Variants in PWWP3B observed in about 807,000 individuals in gnomAD.
PWWP3B encodes PWWP domain-containing DNA repair factor 3B.
In PWWP3B, 5 loss-of-function variants were observed where a neutral mutation model predicts 15.7. That is an observed-to-expected ratio of 0.32 (90% CI 0.17 to 0.67). The LOEUF is 0.67. PWWP3B is among the 30% of genes least tolerant of loss of function. PWWP3B has a pLI of 0.74. For synonymous variants in PWWP3B, 203 were observed against 179.8 expected, an observed-to-expected ratio of 1.13 and a Z score of -1.03; for missense variants, 519 against 493.1, an observed-to-expected ratio of 1.05 and a Z score of -0.50.
At chrX:106,186,647 G>A (rs1335839800) in intron 2 of PWWP3B, among the ~76,000 whole-genome samples, 1 of 110,827 alleles carries the variant, frequency 9.0e-6, no homozygotes, top group Non-Finnish European at 1.9e-5. Flanking sequence ...CATGGTGAGT[G>A]TTACAGCTCT....
At chrX:106,182,447 G>A (rs1470493166) in intron 2 of PWWP3B, among the ~76,000 whole-genome samples, 1 of 111,313 alleles carries the variant, frequency 9.0e-6, no homozygotes, top group Non-Finnish European at 1.9e-5. Context: ...TTAGTGGGGA[G>A]GCAGATATAG....
At chrX:106,190,370 C>T (rs149261562) in intron 2 of PWWP3B, among the ~76,000 whole-genome samples, 4,602 of 111,621 alleles carry the variant, frequency 0.041, 223 homozygotes, top group African/African-American at 0.14. Context: ...TCATATCATT[C>T]GCCGACTTTT....
chrX:106,201,379 G>A (rs1923698668), intron 2 of PWWP3B, among the ~76,000 whole-genome samples: 1 of 112,380 alleles, frequency 8.9e-6, no homozygotes, highest in African/African-American at 3.2e-5. Context: ...GACCAGCTGG[G>A]TTTAAAATTC....
chrX:106,179,695 G>A (rs995561428), intron 2 of PWWP3B, among the ~76,000 whole-genome samples: 6 of 111,725 alleles, frequency 5.4e-5, no homozygotes, highest in African/African-American at 1.6e-4. Context: ...GGATCTTAGC[G>A]CCAGACCCAC....
At chrX:106,177,930 T>C (rs967544118) in intron 2 of PWWP3B, among the ~76,000 whole-genome samples, 1 of 112,379 alleles carries the variant, frequency 8.9e-6, no homozygotes, top group Non-Finnish European at 1.9e-5. Context: ...TTAAAATCTA[T>C]TTTTCACTAC....
intron 2 of PWWP3B, among the ~76,000 whole-genome samples, chrX:106,174,513 A>G (rs1207946639): frequency 8.9e-6 from 1 of 111,948 alleles, no homozygotes; most frequent in Non-Finnish European, 1.9e-5. Flanking sequence ...TAAAAATGCA[A>G]CTTTCCCATA....
intron 2 of PWWP3B, among the ~76,000 whole-genome samples, chrX:106,189,211 A>G (rs897550921): frequency 1.2e-4 from 13 of 111,718 alleles, no homozygotes; most frequent in African/African-American, 4.2e-4. Flanking sequence ...TCCTTTTTTT[A>G]ACTTTGAACC....
At chrX:106,180,092 T>G (rs1272499012) in intron 2 of PWWP3B, among the ~76,000 whole-genome samples, 1 of 111,494 alleles carries the variant, frequency 9.0e-6, no homozygotes, top group African/African-American at 3.3e-5. Flanking sequence ...AGACCCCCAG[T>G]ATCTGTGTCT....
Position 106,208,075 on chromosome X carries a change from T to C in PWWP3B, c.*552T>C, listed in dbSNP as rs756826532. 1.0e-3 allele frequency: 128 copies of C among 124,167 alleles called. No homozygotes were observed. The highest frequency in any genetic ancestry group is 1.9e-3 in the Non-Finnish European group (104 of 53,505). The allele number at this position is 124,167 out of a possible 1,213,427, so 10.2% of individuals were successfully genotyped here. On this transcript the variant is annotated 3_prime_UTR_variant, in exon 4 of 4. Transcript: ENST00000357175. ...CCAAAGATAGATTCGCTTTGCTATA[T>C]ATTATAACTATACTTGCTTTTGCAA... is the stretch of plus-strand genomic sequence containing the variant.
intron 2 of PWWP3B, among the ~76,000 whole-genome samples, chrX:106,202,468 A>T (rs1475784613): frequency 4.5e-5 from 5 of 112,016 alleles, no homozygotes; most frequent in Non-Finnish European, 9.4e-5. Flanking sequence ...ACACATAGAC[A>T]CACAAAGACA....
chrX:106,181,274 G>A (rs754547850), intron 2 of PWWP3B, among the ~76,000 whole-genome samples: 47 of 111,642 alleles, frequency 4.2e-4, no homozygotes, highest in East Asian at 2.0e-3. Flanking sequence ...AAGGGGACCC[G>A]AGTGGGTTGC....
Position 106,206,984 on chromosome X carries a change from C to A in PWWP3B, c.1552C>A (p.His518Asn), listed in dbSNP as rs778976455. The change falls in exon 4 of 4, where the codon CAT becomes AAT. Residue 518 changes from histidine (H) to asparagine (N), a missense_variant. By Grantham distance (68) the His-to-Asn change is moderately conservative. Transcript: ENST00000357175. ...DTFRNKFPKL[H>N]NEDAREPMAV... ...TTTCAGGAACAAATTTCCAAAGCTG[C>A]ATAATGAAGATGCCAGGGAACCGAT... The A allele has an allele frequency of 8.3e-7, 1 of 1,210,820 alleles. No homozygotes were observed. Among genetic ancestry groups the A allele is most frequent in the Non-Finnish European group, 1.1e-6 (1 of 895,029 alleles).
chrX:106,193,079 T>C (rs1218016418), intron 2 of PWWP3B, among the ~76,000 whole-genome samples: 1 of 111,506 alleles, frequency 9.0e-6, no homozygotes, highest in Non-Finnish European at 1.9e-5. Context: ...AGAGCTGAGT[T>C]CAATTCCTGG....
rs371323789 is a variant in PWWP3B at position 106,207,692 on chromosome X, C to G, written c.*169C>G. The G allele has an allele frequency of 4.7e-6, 2 of 427,199 alleles. No homozygotes were observed. The highest frequency in any genetic ancestry group is 5.0e-5 in the African/African-American group (2 of 39,822). 35.2% of individuals were successfully genotyped at this position (427,199 alleles called of 1,213,427 possible). On this transcript the variant is annotated 3_prime_UTR_variant, in exon 4 of 4. Transcript: ENST00000357175. ...GTGGTTATAATTACATCTTTATTTCCTTTTCTTGCGCTTCTTCAAAGTTAA... is the reference window on the plus strand; with the variant it reads ...GTGGTTATAATTACATCTTTATTTCGTTTTCTTGCGCTTCTTCAAAGTTAA...
intron 2 of PWWP3B, among the ~76,000 whole-genome samples, chrX:106,192,165 A>G (rs1923022461): frequency 9.0e-6 from 1 of 111,440 alleles, no homozygotes; most frequent in South Asian, 3.8e-4. Flanking sequence ...TGAATCCATC[A>G]GGTCCTGGAC....
At chrX:106,193,443 G>A in intron 2 of PWWP3B, among the ~76,000 whole-genome samples, 1 of 111,716 alleles carries the variant, frequency 9.0e-6, no homozygotes. Context: ...CTCTGCACGT[G>A]AGATGGGCTT....
intron 2 of PWWP3B, among the ~76,000 whole-genome samples, chrX:106,178,570 A>C (rs1922019129): frequency 8.9e-6 from 1 of 112,249 alleles, no homozygotes; most frequent in Non-Finnish European, 1.9e-5. Flanking sequence ...CTTAATACAT[A>C]TTTAGCCTTT....
In PWWP3B at chrX:106,189,354, A is replaced by T. The variant is rs765115686; in HGVS notation, c.-400-14631A>T. On this transcript the variant is annotated intron_variant, in intron 2 of 3. Coordinates refer to ENST00000357175, the MANE Select transcript of PWWP3B (RefSeq NM_001171020.2). ...ATTAACTCGTCATTTAGCATTAGGT[A>T]TATCTCCTAATGCTATCCCTCTCCC... Among the ~76,000 whole-genome samples, 7 of 110,397 alleles carry T rather than the reference A, an allele frequency of 6.3e-5. No individual in the cohort carries two copies. The Admixed American group carries it at 6.7e-4, about 11-fold the overall frequency.
rs1363568111 is a variant in PWWP3B, at chrX:106,206,440, T to C, written c.1008T>C (p.Ser336=). The C allele has an allele frequency of 7.4e-6, 9 of 1,208,183 alleles. No individual in the cohort carries two copies. Among genetic ancestry groups the C allele is most frequent in the Non-Finnish European group, 1.0e-5 (9 of 894,320 alleles). Residue 336 remains serine, a synonymous_variant, in exon 4 of 4, where the codon AGT becomes AGC. Transcript: ENST00000357175. ...GGGATTATTCACATCTTATGAGTAG[T>C]GAAAGAAATTTTCAGAGACTGGATT... ...PVWDYSHLMS[S]ERNFQRLDFE...
Sources: gnomAD v4.1 joint callset for allele counts (sites outside exome capture counted in the v4.1 genomes callset) on GRCh38, gnomAD v4.1.1 for gene constraint, MANE v1.5 for transcripts, NCBI Gene and HGNC (gene_info 2026-07-23, HGNC 2026-07-21) for gene names.